Variants in SVIL observed in about 807,000 individuals in gnomAD.
SVIL encodes supervillin.
Under a neutral mutation model 240.4 loss-of-function variants are expected in SVIL, and 101 were observed. The ratio of observed to expected loss-of-function variants is 0.42; its 90% CI spans 0.36 to 0.50. SVIL has a LOEUF of 0.50. SVIL is among the 20% of genes least tolerant of loss of function. The pLI is 0.01. For missense variants in SVIL, 2,512 were observed against 2,818.7 expected (o/e 0.89, Z 2.46); for synonymous variants, 999 against 1,100.0 (o/e 0.91, Z 1.82).
intron 25 of SVIL, 75 bp from the exon 26 acceptor site, chr10:29,486,305 T>A: frequency 6.3e-7 from 1 of 1,593,664 alleles, no homozygotes; most frequent in Non-Finnish European, 8.5e-7. Context: ...GTGAATGAAT[T>A]TCACATTGTA....
At chr10:29,668,827 G>T (rs966648399) in intron 2 of SVIL, among the ~76,000 whole-genome samples, 1 of 152,060 alleles carries the variant, frequency 6.6e-6, no homozygotes, top group Non-Finnish European at 1.5e-5. Context: ...GGAGCAGAAA[G>T]ATTTTTTCAA....
intron 3 of SVIL, among the ~76,000 whole-genome samples, chr10:29,560,161 C>A (rs1042671641): frequency 1.3e-5 from 2 of 152,194 alleles, no homozygotes; most frequent in African/African-American, 4.8e-5. Flanking sequence ...AGCCCTTTAA[C>A]TTTTACTCTT....
At chr10:29,529,562 A>G in intron 12 of SVIL, 143 bp downstream of exon 12, 1 of 958,292 alleles carries the variant, frequency 1.0e-6, no homozygotes, top group South Asian at 2.9e-5. Context: ...GACCACAGTA[A>G]ACAAAATCCC....
intron 1 of SVIL, among the ~76,000 whole-genome samples, chr10:29,594,124 C>A (rs1026361565): frequency 6.6e-6 from 1 of 152,106 alleles, no homozygotes. Context: ...CTGTTTCATA[C>A]ACAAAACTAT....
intron 1 of SVIL, among the ~76,000 whole-genome samples, chr10:29,572,696 C>T (rs1308382344): frequency 1.5e-5 from 2 of 136,262 alleles, no homozygotes; most frequent in Admixed American, 1.7e-4. Flanking sequence ...CCTGGGAGGT[C>T]GAGGCTGCAG....
intron 1 of SVIL, among the ~76,000 whole-genome samples, chr10:29,571,959 G>A (rs1955442550): frequency 6.6e-6 from 1 of 152,102 alleles, no homozygotes; most frequent in Non-Finnish European, 1.5e-5. Flanking sequence ...GTTACTCTTT[G>A]TATCTTTAGT....
At chr10:29,729,890 T>C (rs1231550265) in intron 1 of SVIL, among the ~76,000 whole-genome samples, 1 of 147,218 alleles carries the variant, frequency 6.8e-6, no homozygotes, top group Non-Finnish European at 1.5e-5. Context: ...AGACAAGACT[T>C]AGAAACGTAA....
chr10:29,473,279 A>T (rs541299852), intron 30 of SVIL, among the ~76,000 whole-genome samples: 13 of 152,334 alleles, frequency 8.5e-5, no homozygotes, highest in African/African-American at 3.1e-4. Context: ...GCTGCCACGA[A>T]TACAGGTGAT....
chr10:29,471,778 TC>T (rs1166388900), intron 30 of SVIL, among the ~76,000 whole-genome samples: 2 of 152,174 alleles, frequency 1.3e-5, no homozygotes, highest in Non-Finnish European at 2.9e-5. Flanking sequence ...TAGGTTTGAG[TC>T]ACCTCCCTCT....
intron 16 of SVIL, 152 bp from the exon 17 acceptor site, chr10:29,513,013 C>A: frequency 8.4e-7 from 1 of 1,196,396 alleles, no homozygotes; most frequent in Non-Finnish European, 1.2e-6. Flanking sequence ...CGGAAGACAG[C>A]ATGTCTGGAA....
intron 1 of SVIL, among the ~76,000 whole-genome samples, chr10:29,620,923 T>C (rs959401176): frequency 6.6e-6 from 1 of 152,132 alleles, no homozygotes. Context: ...GGGCTATCCC[T>C]GACTTTTTAA....
intron 1 of SVIL, among the ~76,000 whole-genome samples, chr10:29,578,164 T>G (rs978285497): frequency 6.6e-6 from 1 of 152,154 alleles, no homozygotes; most frequent in African/African-American, 2.4e-5. Context: ...ACACACCTAA[T>G]CAGAATGACA....
intron 28 of SVIL, among the ~76,000 whole-genome samples, chr10:29,481,133 G>GGTGTGTGTGTGT (rs57479630): frequency 0.012 from 1,746 of 141,326 alleles, 12 homozygotes; most frequent in South Asian, 0.024. Context: ...TAGCTTTAAG[G>GGTGTGTGTGTGT]GTGTGTGTGT....
At chr10:29,478,373 C>A (rs1946436533) in intron 29 of SVIL, among the ~76,000 whole-genome samples, 1 of 152,184 alleles carries the variant, frequency 6.6e-6, no homozygotes, top group African/African-American at 2.4e-5. Context: ...ATGAGTATTT[C>A]CTGCACCTAC....
intron 2 of SVIL, among the ~76,000 whole-genome samples, chr10:29,671,377 C>T (rs1252071738): frequency 3.3e-5 from 5 of 152,188 alleles, no homozygotes; most frequent in Non-Finnish European, 5.9e-5. Context: ...TTTCCCACCA[C>T]ACTACATCTC....
At chr10:29,502,860 AC>A (rs1163468652) in intron 17 of SVIL, among the ~76,000 whole-genome samples, 1 of 152,194 alleles carries the variant, frequency 6.6e-6, no homozygotes, top group Non-Finnish European at 1.5e-5. Context: ...CTCTGTATAC[AC>A]TGACTGAAAA....
chr10:29,597,967 T>C (rs896615574), intron 1 of SVIL, among the ~76,000 whole-genome samples: 1 of 152,082 alleles, frequency 6.6e-6, no homozygotes, highest in African/African-American at 2.4e-5. Context: ...TCTAGTAGCA[T>C]TATTCACTGT....
rs112042524 is a variant in SVIL, at chr10:29,676,377, A to AGTGTGT, written c.-301+10170_-301+10175dup. 9.4e-3 allele frequency among the ~76,000 whole-genome samples: 1,418 copies of AGTGTGT among 151,328 alleles called. 25 individuals are homozygous for AGTGTGT. The highest frequency in any genetic ancestry group is 0.029 in the African/African-American group (1,201 of 41,254). On this transcript the variant is annotated intron_variant, in intron 2 of 35. Coordinates refer to the SVIL transcript ENST00000375400. ...TTCTGTTTTTAAGTGGAAAAAAAAGAGTGTGTGTGTGTGTGTGCGCACACG... is the reference window on the plus strand; with the variant it reads ...TTCTGTTTTTAAGTGGAAAAAAAAGAGTGTGTGTGTGTGTGTGTGTGTGCGCACACG...
chr10:29,629,658 T>C (rs991150520), intron 1 of SVIL, among the ~76,000 whole-genome samples: 1 of 149,686 alleles, frequency 6.7e-6, no homozygotes, highest in Non-Finnish European at 1.5e-5. Flanking sequence ...TGAAGACAAT[T>C]GCACTAATAT....
Sources: allele counts gnomAD v4.1 joint callset (sites outside exome capture counted in the v4.1 genomes callset), GRCh38; gene constraint gnomAD v4.1.1; transcripts MANE v1.5; gene names NCBI Gene and HGNC (gene_info 2026-07-23, HGNC 2026-07-21).